The following RAPGEF6 variants were observed in gnomAD, a reference collection of about 807,000 sequenced individuals.
The protein encoded by RAPGEF6 is Rap guanine nucleotide exchange factor 6.
RAPGEF6 carries 56 observed loss-of-function variants against 171.4 expected under a neutral mutation model. That is an observed-to-expected ratio of 0.33 (90% confidence interval 0.26 to 0.41). RAPGEF6 has a LOEUF of 0.41. Ranked by LOEUF, RAPGEF6 falls within the 10% of genes least tolerant of loss-of-function variation. RAPGEF6 has a pLI of 1.00. For synonymous variants in RAPGEF6, 692 were observed against 650.1 expected (o/e 1.06, Z -0.98); for missense variants, 1,674 against 1,921.4 (o/e 0.87, Z 2.41).
intron 6 of RAPGEF6, among the ~76,000 whole-genome samples, chr5:131,528,475 T>A (rs1759141645): frequency 6.7e-6 from 1 of 150,284 alleles, no homozygotes; most frequent in African/African-American, 2.5e-5. Context: ...TATGTGAAAC[T>A]ACAAGAGAAA....
chr5:131,529,803 T>C (rs1212541950), intron 6 of RAPGEF6, among the ~76,000 whole-genome samples: 2 of 149,848 alleles, frequency 1.3e-5, no homozygotes, highest in Non-Finnish European at 3.0e-5. Context: ...CCCAGCTGTG[T>C]GGGAGGATCC....
Position 131,511,481 on chromosome 5 carries a change from CT to C in RAPGEF6, c.628-991del, listed in dbSNP as rs55782171. On this transcript the variant is annotated intron_variant, in intron 7 of 27. Transcript: ENST00000509018. Reference sequence around the variant, plus strand: ...CCTTTTTTACTGCCAAAAAGATCATCTTTTTTTTTTTTTTTTCTTTTTTTTG... The same window carrying C: ...CCTTTTTTACTGCCAAAAAGATCATCTTTTTTTTTTTTTTTCTTTTTTTTG... Among the ~76,000 whole-genome samples the C allele has an allele frequency of 5.0e-3, 687 of 137,300 alleles. 11 individuals are homozygous for C. The East Asian group carries it at 0.078, about 15-fold the overall frequency. 90.1% of individuals were successfully genotyped at this position (137,300 alleles called of 152,430 possible). A position where few individuals can be genotyped will look rare whatever the true frequency, so the allele number is the denominator to read the frequency against.
intron 14 of RAPGEF6, among the ~76,000 whole-genome samples, chr5:131,490,816 G>A (rs1275404844): frequency 1.3e-5 from 2 of 152,194 alleles, no homozygotes; most frequent in Non-Finnish European, 2.9e-5. Context: ...GGGATATACA[G>A]TGCAAATGAA....
chr5:131,624,893 C>T (rs1023121486), intron 1 of RAPGEF6, among the ~76,000 whole-genome samples: 9 of 152,120 alleles, frequency 5.9e-5, no homozygotes, highest in Non-Finnish European at 1.0e-4. Context: ...GAGGTCGAGG[C>T]GGGCAGATCA....
At chr5:131,489,245 A>G in intron 15 of RAPGEF6, among the ~76,000 whole-genome samples, 1 of 152,214 alleles carries the variant, frequency 6.6e-6, no homozygotes, top group East Asian at 1.9e-4. Context: ...TATTCCGGAC[A>G]TTCTATATTT....
chr5:131,455,612 A>G (rs1029084738), intron 20 of RAPGEF6, among the ~76,000 whole-genome samples, 189 bp downstream of exon 20: 2 of 152,226 alleles, frequency 1.3e-5, no homozygotes, highest in African/African-American at 4.8e-5. Context: ...CACAGAAAAA[A>G]GTACTAATAA....
intron 4 of RAPGEF6, among the ~76,000 whole-genome samples, chr5:131,567,121 A>G (rs1481096872): frequency 6.6e-6 from 1 of 151,930 alleles, no homozygotes; most frequent in African/African-American, 2.4e-5. Flanking sequence ...ATCCTTTGTA[A>G]TATTTAAAAT....
At chr5:131,436,858 C>A (rs890026083) in intron 24 of RAPGEF6, among the ~76,000 whole-genome samples, 4 of 152,046 alleles carry the variant, frequency 2.6e-5, no homozygotes, top group Non-Finnish European at 5.9e-5. Context: ...TGTTGTAGAT[C>A]CAAGGTGGAG....
At chr5:131,456,155 T>C (rs965218785) in intron 19 of RAPGEF6, 143 bp from the exon 20 acceptor site, 65 of 601,424 alleles carry the variant, frequency 1.1e-4, no homozygotes, top group African/African-American at 8.0e-4. Flanking sequence ...AGAGAAAAAC[T>C]GAGAAAAAAA....
At position 131,596,155 on chromosome 5, in the gene RAPGEF6, T is replaced by TAA. The variant is rs36079255; in HGVS notation, c.198-3691_198-3690dup. On this transcript the variant is annotated intron_variant, in intron 3 of 27. Coordinates refer to ENST00000509018, the MANE Select transcript of RAPGEF6 (RefSeq NM_016340.6). ...GGGAGCAGTGCGAGACTCCATCATA[T>TAA]AAAAAAAAAAAAAAAAGTTAAAGGA... Among the ~76,000 whole-genome samples, 286 of 127,066 alleles carry TAA rather than the reference T, an allele frequency of 2.3e-3. 2 individuals carry two copies. The highest frequency in any genetic ancestry group is 4.7e-3 in the South Asian group (19 of 4,008). 83.4% of individuals were successfully genotyped at this position (127,066 alleles called of 152,430 possible).
intron 15 of RAPGEF6, among the ~76,000 whole-genome samples, chr5:131,487,064 C>T (rs758050000): frequency 9.2e-5 from 14 of 151,926 alleles, no homozygotes; most frequent in African/African-American, 1.2e-4. Flanking sequence ...TTCCTGGTCT[C>T]GCTGACTTCA....
At chr5:131,488,193 G>C (rs1756050665) in intron 15 of RAPGEF6, among the ~76,000 whole-genome samples, 1 of 152,020 alleles carries the variant, frequency 6.6e-6, no homozygotes, top group South Asian at 2.1e-4. Flanking sequence ...GGGTTCTGAG[G>C]GTATGGCTTC....
chr5:131,564,361 A>G (rs1370220199), intron 4 of RAPGEF6, among the ~76,000 whole-genome samples: 1 of 152,224 alleles, frequency 6.6e-6, no homozygotes, highest in Non-Finnish European at 1.5e-5. Context: ...AGAGTCACAG[A>G]GGAAAGACGA....
rs1042936277 is a variant in RAPGEF6, at chr5:131,427,126, T to C, written c.*140A>G. 19 of 785,380 alleles carry C rather than the reference T, an allele frequency of 2.4e-5. No individual in the cohort carries two copies. In the African/African-American group the frequency reaches 2.5e-4, roughly 10 times the overall value. 48.7% of individuals were successfully genotyped at this position (785,380 alleles called of 1,614,324 possible). On this transcript the variant is annotated 3_prime_UTR_variant, in exon 28 of 28. Transcript: ENST00000509018. The stretch of plus-strand genomic sequence containing the variant: ...GGAAGCATAACTCAGGTCTATTTCA[T>C]TGCTCGGAGTAGAGGGAATAAAACC...
intron 11 of RAPGEF6, among the ~76,000 whole-genome samples, chr5:131,503,381 CAT>C (rs931304412): frequency 9.9e-5 from 15 of 152,262 alleles, no homozygotes; most frequent in African/African-American, 2.2e-4. Flanking sequence ...TACTAAAACA[CAT>C]GAGTCCTCAC....
At chr5:131,540,590 G>C (rs1760071346) in intron 6 of RAPGEF6, among the ~76,000 whole-genome samples, 1 of 152,140 alleles carries the variant, frequency 6.6e-6, no homozygotes, top group African/African-American at 2.4e-5. Context: ...AAAATATACA[G>C]TAGCAAAAGG....
chr5:131,473,246 G>A (rs930530195), intron 16 of RAPGEF6, among the ~76,000 whole-genome samples: 1 of 152,138 alleles, frequency 6.6e-6, no homozygotes, highest in Non-Finnish European at 1.5e-5. Context: ...GACAAAGTAA[G>A]AGTGGTCTTT....
At chr5:131,464,414 G>T in intron 17 of RAPGEF6, 133 bp from the exon 18 acceptor site, 3 of 671,872 alleles carry the variant, frequency 4.5e-6, no homozygotes, top group East Asian at 2.9e-5. Flanking sequence ...ATTAACAGAA[G>T]TCACTGTTGC....
chr5:131,572,273 C>G (rs2149980984), intron 4 of RAPGEF6, among the ~76,000 whole-genome samples: 1 of 152,294 alleles, frequency 6.6e-6, no homozygotes, highest in Non-Finnish European at 1.5e-5. Flanking sequence ...TCAGACCAGC[C>G]AGTCCAAGGA....
Sources: gnomAD v4.1 joint callset for allele counts (sites outside exome capture counted in the v4.1 genomes callset) on GRCh38, gnomAD v4.1.1 for gene constraint, MANE v1.5 for transcripts, NCBI Gene and HGNC (gene_info 2026-07-23, HGNC 2026-07-21) for gene names.